MYLK: variants seen among roughly 807,000 people sequenced by gnomAD.
MYLK encodes the protein myosin light chain kinase, smooth muscle.
MYLK carries 106 observed loss-of-function variants against 203.4 expected under a neutral mutation model. The ratio of observed to expected loss-of-function variants is 0.52; its 90% CI spans 0.45 to 0.61. The LOEUF (loss-of-function observed/expected upper bound fraction) is 0.61, where lower values mean the gene tolerates loss of function less well. Ranked by LOEUF, MYLK falls within the 20% of genes least tolerant of loss-of-function variation. The pLI is 0.00. For synonymous variants in MYLK, 867 were observed against 959.5 expected (o/e 0.90, Z 1.78); for missense variants, 2,072 against 2,442.3 (o/e 0.85, Z 3.20).
intron 5 of MYLK, among the ~76,000 whole-genome samples, chr3:123,742,924 C>G (rs1323251432): frequency 6.6e-6 from 1 of 152,068 alleles, no homozygotes; most frequent in Non-Finnish European, 1.5e-5. Flanking sequence ...AGAGGCAAAT[C>G]CATAGAGAAA....
intron 29 of MYLK, among the ~76,000 whole-genome samples, chr3:123,636,505 C>T (rs552397486): frequency 3.9e-5 from 6 of 152,240 alleles, no homozygotes; most frequent in Non-Finnish European, 8.8e-5. Flanking sequence ...CCAAGCGAGA[C>T]CACAGCGCAG....
At chr3:123,831,218 G>C (rs2066314348) in intron 3 of MYLK, among the ~76,000 whole-genome samples, 1 of 152,232 alleles carries the variant, frequency 6.6e-6, no homozygotes, top group Non-Finnish European at 1.5e-5. Context: ...GAAGGATGGA[G>C]TACCACAGCG....
chr3:123,792,221 G>A (rs565039600), intron 4 of MYLK, among the ~76,000 whole-genome samples: 1 of 152,376 alleles, frequency 6.6e-6, no homozygotes, highest in South Asian at 2.1e-4. Context: ...TGAGGAAGGA[G>A]TTTATGTCTC....
intron 3 of MYLK, among the ~76,000 whole-genome samples, chr3:123,818,175 T>C (rs2065809750): frequency 6.6e-6 from 1 of 152,198 alleles, no homozygotes; most frequent in East Asian, 1.9e-4. Flanking sequence ...TGCCTCCCCG[T>C]AAATGGACCC....
At chr3:123,870,297 G>A (rs1400713300) in intron 2 of MYLK, among the ~76,000 whole-genome samples, 2 of 152,220 alleles carry the variant, frequency 1.3e-5, no homozygotes, top group Non-Finnish European at 2.9e-5. Flanking sequence ...GGCCTGCAGT[G>A]ACAGCACTTG....
chr3:123,801,471 T>C (rs993023133), intron 3 of MYLK, among the ~76,000 whole-genome samples: 35 of 152,350 alleles, frequency 2.3e-4, no homozygotes, highest in African/African-American at 7.5e-4. Flanking sequence ...GCAGGTTTAT[T>C]ACAAAGGTAG....
intron 4 of MYLK, among the ~76,000 whole-genome samples, chr3:123,753,508 C>G (rs992924139): frequency 2.8e-5 from 4 of 143,826 alleles, no homozygotes; most frequent in African/African-American, 1.0e-4. Context: ...TGGAGTCTTG[C>G]TCTGTTGCCC....
chr3:123,640,552 C>G lies in MYLK; in HGVS notation c.4620-48G>C. The G allele has an allele frequency of 6.2e-7, 1 of 1,604,868 alleles. No homozygotes were observed. The highest frequency in any genetic ancestry group is 8.5e-7 in the Non-Finnish European group (1 of 1,173,136). On this transcript the variant is annotated intron_variant, in intron 27 of 33. Coordinates refer to ENST00000360304, the MANE Select transcript of MYLK (RefSeq NM_053025.4). This position sits in a 1 kb window ranked among gnomAD's most constrained non-coding sequence, Gnocchi z 4.3. ...TGGTCAGGCCACAGGCTCATGGAGGCCAGGCTGGCAGGGAGTCTGGCCAGG... is the reference window on the plus strand; with the variant it reads ...TGGTCAGGCCACAGGCTCATGGAGGGCAGGCTGGCAGGGAGTCTGGCCAGG...
At chr3:123,831,330 C>T in intron 3 of MYLK, 1 of 1,269,078 alleles carries the variant, frequency 7.9e-7, no homozygotes, top group African/African-American at 1.5e-5. Context: ...TTCGCCAGTT[C>T]AAGAATTCTG....
chr3:123,744,173 G>C (rs960344430), intron 5 of MYLK, among the ~76,000 whole-genome samples: 2 of 152,116 alleles, frequency 1.3e-5, no homozygotes. Context: ...TAAATGTAAA[G>C]CCTTAACTAA....
At chr3:123,705,071 C>T (rs1443422562) in intron 16 of MYLK, among the ~76,000 whole-genome samples, 4 of 152,164 alleles carry the variant, frequency 2.6e-5, no homozygotes, top group African/African-American at 9.7e-5. Context: ...AAACTACCCA[C>T]CCATACCTGC....
At position 123,626,800 on chromosome 3, in the gene MYLK, A is replaced by C; in HGVS notation, c.5238+18T>G. Reference sequence around the variant, plus strand: ...ATATGAGGGGCAACATCCCAGTCCAAAGTGACCCTCTCATTACCTGCCATT... The same window carrying C: ...ATATGAGGGGCAACATCCCAGTCCACAGTGACCCTCTCATTACCTGCCATT... On this transcript the variant is annotated intron_variant, in intron 31 of 33. Coordinates refer to ENST00000360304, the MANE Select transcript of MYLK (RefSeq NM_053025.4). The C allele has an allele frequency of 6.2e-7, 1 of 1,614,140 alleles. No homozygotes were observed. Among genetic ancestry groups the C allele is most frequent in the South Asian group, 1.1e-5 (1 of 91,080 alleles).
chr3:123,841,002 T>C lies in MYLK; in HGVS notation c.-126-9332A>G, dbSNP rs542400227. Among the ~76,000 whole-genome samples the C allele has an allele frequency of 5.3e-5, 8 of 152,212 alleles. No individual in the cohort carries two copies. In the South Asian group the frequency reaches 1.7e-3, roughly 32 times the overall value. Reference sequence around the variant, plus strand: ...AGAAGATGGAGTACGAAGAAACAGATACATGGTGGAGACTTCAAACATATA... The same window carrying C: ...AGAAGATGGAGTACGAAGAAACAGACACATGGTGGAGACTTCAAACATATA... On this transcript the variant is annotated intron_variant, in intron 2 of 33. Transcript: ENST00000360304.
In MYLK at chr3:123,649,155, C is replaced by T. The variant is rs372449248; in HGVS notation, c.4321+7G>A. The T allele has an allele frequency of 1.9e-6, 3 of 1,613,532 alleles. No individual in the cohort carries two copies. The highest frequency in any genetic ancestry group is 2.2e-5 in the South Asian group (2 of 91,050). On this transcript the variant is annotated splice_region_variant and intron_variant, in intron 25 of 33. Coordinates refer to ENST00000360304, the MANE Select transcript of MYLK (RefSeq NM_053025.4). The stretch of plus-strand genomic sequence containing the variant: ...GAGCCTGACCCGAAGACAGGGGCTG[C>T]ACTCACCATCATCTGACACCTCCAC...
intron 13 of MYLK, among the ~76,000 whole-genome samples, chr3:123,718,561 C>T (rs1454640957): frequency 1.3e-5 from 2 of 152,306 alleles, no homozygotes; most frequent in Non-Finnish European, 2.9e-5. Context: ...TGCTACTCCT[C>T]GAATGGGTCA....
chr3:123,644,875 T>C (rs2058960968), intron 27 of MYLK, among the ~76,000 whole-genome samples: 1 of 152,178 alleles, frequency 6.6e-6, no homozygotes, highest in African/African-American at 2.4e-5. Context: ...CATGAAATAG[T>C]AGAATTTTAT....
intron 2 of MYLK, among the ~76,000 whole-genome samples, chr3:123,876,034 T>C (rs2033130015): frequency 6.6e-6 from 1 of 152,194 alleles, no homozygotes; most frequent in African/African-American, 2.4e-5. Context: ...AGACTTATTC[T>C]GTCAATCCTA....
chr3:123,850,318 C>A (rs893448624), intron 2 of MYLK, among the ~76,000 whole-genome samples: 2 of 152,166 alleles, frequency 1.3e-5, no homozygotes, highest in African/African-American at 2.4e-5. Flanking sequence ...GTAATTGCCA[C>A]ACTGTCTTCC....
At position 123,778,460 on chromosome 3, in the gene MYLK, C is replaced by A. The variant is rs546611909; in HGVS notation, c.165+15217G>T. 1.1e-4 allele frequency among the ~76,000 whole-genome samples: 16 copies of A among 149,944 alleles called. No individual in the cohort carries two copies. In the South Asian group the frequency reaches 3.4e-3, roughly 32 times the overall value. ...CCCGGGAGGTGGAGCTTGCAGTGAG[C>A]CAAGATTGCGCCACTGTACCCCAGC... is the stretch of plus-strand genomic sequence containing the variant. On this transcript the variant is annotated intron_variant, in intron 4 of 33. Coordinates refer to ENST00000360304, the MANE Select transcript of MYLK (RefSeq NM_053025.4).
Sources: gnomAD v4.1 joint callset for allele counts (sites outside exome capture counted in the v4.1 genomes callset) on GRCh38, gnomAD v4.1.1 for gene constraint, Gnocchi (gnomAD v3.1) non-coding constraint, MANE v1.5 for transcripts, NCBI Gene and HGNC (gene_info 2026-07-23, HGNC 2026-07-21) for gene names.